Variants in SLC8A3 observed in about 807,000 individuals in gnomAD.
SLC8A3 encodes the protein solute carrier family 8 member A3, also known as sodium/calcium exchanger 3.
A neutral mutation model predicts 65.4 loss-of-function variants in SLC8A3; 37 were observed. The ratio of observed to expected loss-of-function variants is 0.57; its 90% CI spans 0.44 to 0.74. The LOEUF (loss-of-function observed/expected upper bound fraction) is 0.74. Ranked by LOEUF, SLC8A3 falls within the 30% of genes least tolerant of loss-of-function variation. The pLI is 0.00. For synonymous variants in SLC8A3, 461 were observed against 444.5 expected, an observed-to-expected ratio of 1.04 and a Z score of -0.47; for missense variants, 1,112 against 1,172.1, an observed-to-expected ratio of 0.95 and a Z score of 0.75.
At chr14:70,087,326 C>T (rs1958184) in intron 2 of SLC8A3, among the ~76,000 whole-genome samples, 71,206 of 151,956 alleles carry the variant, frequency 0.47, 16,974 homozygotes, top group South Asian at 0.66. Context: ...TAAGGAAGCT[C>T]TTAGGCTGCT....
intron 2 of SLC8A3, among the ~76,000 whole-genome samples, chr14:70,085,078 A>G (rs1891332370): frequency 6.6e-6 from 1 of 152,214 alleles, no homozygotes; most frequent in African/African-American, 2.4e-5. Flanking sequence ...AGTTAAAAAG[A>G]CGAGTAAGAC....
At chr14:70,111,508 T>C (rs1157128548) in intron 2 of SLC8A3, among the ~76,000 whole-genome samples, 1 of 152,232 alleles carries the variant, frequency 6.6e-6, no homozygotes, top group African/African-American at 2.4e-5. Flanking sequence ...TATTATTATT[T>C]GTTATCATAA....
chr14:70,105,524 C>A (rs1226354926), intron 2 of SLC8A3, among the ~76,000 whole-genome samples: 1 of 151,998 alleles, frequency 6.6e-6, no homozygotes, highest in African/African-American at 2.4e-5. Context: ...TTGAAAAACA[C>A]AATTCATCAG....
intron 2 of SLC8A3, among the ~76,000 whole-genome samples, chr14:70,139,007 C>T (rs1427685352): frequency 6.6e-6 from 1 of 152,186 alleles, no homozygotes; most frequent in South Asian, 2.1e-4. Flanking sequence ...CCTGCTGTCC[C>T]AATGTTGGCA....
intron 1 of SLC8A3, among the ~76,000 whole-genome samples, chr14:70,172,936 G>C (rs937503985): frequency 6.6e-6 from 1 of 152,144 alleles, no homozygotes; most frequent in Non-Finnish European, 1.5e-5. Flanking sequence ...TCAAGTCAAA[G>C]AGAACAGCCC....
intron 2 of SLC8A3, among the ~76,000 whole-genome samples, chr14:70,113,088 T>C (rs1326546967): frequency 2.6e-5 from 2 of 76,408 alleles, no homozygotes; most frequent in Middle Eastern, 7.9e-3. Context: ...CACTGGAGAC[T>C]TCAGCTTGGG....
intron 2 of SLC8A3, among the ~76,000 whole-genome samples, chr14:70,083,358 G>A (rs1891199670): frequency 6.6e-6 from 1 of 152,144 alleles, no homozygotes; most frequent in East Asian, 1.9e-4. Context: ...TCACTTTACT[G>A]CTGAAATGAA....
chr14:70,166,095 A>G (rs1317379531), intron 2 of SLC8A3, among the ~76,000 whole-genome samples: 1 of 152,224 alleles, frequency 6.6e-6, no homozygotes, highest in Non-Finnish European at 1.5e-5. Context: ...CAATTTCCAA[A>G]TTAAAGAAGA....
At position 70,167,668 on chromosome 14, in the gene SLC8A3, T is replaced by C. The variant is rs753782157; in HGVS notation, c.755A>G (p.Asp252Gly). 5 of 1,614,082 alleles carry C rather than the reference T, an allele frequency of 3.1e-6. No individual in the cohort carries two copies. The highest frequency in any genetic ancestry group is 3.3e-5 in the Admixed American group (2 of 59,994). ...GTATTTGTAGAAGAGCAGTCGTTTATCTGCCACCCAGGCCAGAAGGACACA... is the reference window on the plus strand; with the variant it reads ...GTATTTGTAGAAGAGCAGTCGTTTACCTGCCACCCAGGCCAGAAGGACACA... ...PVCVLLAWVA[D>G]KRLLFYKYMH... Residue 252 changes from aspartate to glycine, a missense_variant, in exon 2 of 7, where the codon GAT becomes GGT. By Grantham distance (94) the Asp-to-Gly change is moderately conservative. Coordinates refer to ENST00000356921, the MANE Select transcript of SLC8A3 (RefSeq NM_182932.3).
intron 2 of SLC8A3, among the ~76,000 whole-genome samples, chr14:70,071,975 G>T (rs1374148077): frequency 6.6e-6 from 1 of 152,130 alleles, no homozygotes; most frequent in African/African-American, 2.4e-5. Flanking sequence ...GCCCTCTGCT[G>T]CATGCAGCTT....
chr14:70,118,829 T>C (rs1893838457), intron 2 of SLC8A3, among the ~76,000 whole-genome samples: 1 of 151,964 alleles, frequency 6.6e-6, no homozygotes, highest in South Asian at 2.1e-4. Flanking sequence ...CAAGCAGTTG[T>C]ACACACACAC....
chr14:70,116,059 A>G (rs1312517833), intron 2 of SLC8A3, among the ~76,000 whole-genome samples: 1 of 152,054 alleles, frequency 6.6e-6, no homozygotes. Flanking sequence ...TTGCAACAGG[A>G]GATGATGAGA....
chr14:70,162,236 C>G (rs1288829048), intron 2 of SLC8A3, among the ~76,000 whole-genome samples: 1 of 152,106 alleles, frequency 6.6e-6, no homozygotes, highest in East Asian at 1.9e-4. Flanking sequence ...AATGGAGAAG[C>G]CTAAGATGGG....
intron 1 of SLC8A3, chr14:70,187,222 T>G (rs1435120924): frequency 6.5e-6 from 1 of 152,702 alleles, no homozygotes; most frequent in Non-Finnish European, 1.4e-5. Context: ...AACCGCCGAA[T>G]GCGTTCGGAG....
At position 70,176,954 on chromosome 14, in the gene SLC8A3, A is replaced by T. The variant is rs1897945059; in HGVS notation, c.-62-8470T>A. Among the ~76,000 whole-genome samples the T allele has an allele frequency of 4.6e-5, 7 of 152,192 alleles. 1 individual carries two copies. In the South Asian group the frequency reaches 1.5e-3, roughly 32 times the overall value. On this transcript the variant is annotated intron_variant, in intron 1 of 6. Coordinates refer to ENST00000356921, the MANE Select transcript of SLC8A3 (RefSeq NM_182932.3). ...TCATGGCCTCTTTGTTCATTCACTC[A>T]CTTACTCATTTATTCATTCATGCAT...
chr14:70,047,887 C>A (rs1886973039), intron 6 of SLC8A3: 1 of 152,238 alleles, frequency 6.6e-6, no homozygotes, highest in Non-Finnish European at 1.5e-5. Context: ...GCCCAACTTC[C>A]TTCCGTATGC....
intron 2 of SLC8A3, chr14:70,063,743 G>A (rs1488655371): frequency 5.2e-6 from 4 of 771,382 alleles, no homozygotes; most frequent in Admixed American, 4.0e-5. Flanking sequence ...AAGAGGAGGA[G>A]GAGACAAATG....
At chr14:70,095,856 G>A (rs1408886074) in intron 2 of SLC8A3, among the ~76,000 whole-genome samples, 2 of 150,850 alleles carry the variant, frequency 1.3e-5, no homozygotes, top group African/African-American at 4.9e-5. Flanking sequence ...TTGCCCTTCT[G>A]TGAGTTCTAC....
chr14:70,179,502 A>G (rs757348188), intron 1 of SLC8A3, among the ~76,000 whole-genome samples: 7 of 152,164 alleles, frequency 4.6e-5, no homozygotes, highest in Non-Finnish European at 1.0e-4. Context: ...GGAAAGATGC[A>G]TCTAGGAAGA....
Sources: allele counts gnomAD v4.1 joint callset (sites outside exome capture counted in the v4.1 genomes callset), GRCh38; gene constraint gnomAD v4.1.1; transcripts MANE v1.5; gene names NCBI Gene and HGNC (gene_info 2026-07-23, HGNC 2026-07-21).